Variants in RRAS2 observed in about 807,000 individuals in gnomAD.
RRAS2 encodes the protein ras-related protein R-Ras2.
RRAS2 carries 7 observed loss-of-function variants against 27.6 expected under a neutral mutation model. The ratio of observed to expected loss-of-function variants is 0.25; its 90% CI spans 0.14 to 0.48. The LOEUF (loss-of-function observed/expected upper bound fraction) is 0.48. Ranked by LOEUF, RRAS2 falls within the 20% of genes least tolerant of loss-of-function variation. RRAS2 has a pLI of 0.99. For synonymous variants in RRAS2, 86 were observed against 90.9 expected (o/e 0.95, Z 0.31); for missense variants, 178 against 256.2 (o/e 0.69, Z 2.08).
intron 4 of RRAS2, among the ~76,000 whole-genome samples, chr11:14,292,328 C>G (rs1236607528): frequency 6.6e-6 from 1 of 152,162 alleles, no homozygotes; most frequent in East Asian, 1.9e-4. Flanking sequence ...TTTACTGGAG[C>G]TACCACCATG....
intron 1 of RRAS2, among the ~76,000 whole-genome samples, chr11:14,344,428 T>G (rs1336377208): frequency 5.9e-5 from 9 of 152,176 alleles, no homozygotes; most frequent in African/African-American, 2.2e-4. Flanking sequence ...ATGGGGCAAA[T>G]TTCCCTTAGT....
In RRAS2 at chr11:14,358,223, G is replaced by A. The variant is rs1554955732; in HGVS notation, c.108+540C>T. The A allele has an allele frequency of 4.1e-6, 4 of 985,296 alleles. No individual in the cohort carries two copies. Among genetic ancestry groups the A allele is most frequent in the Non-Finnish European group, 4.8e-6 (4 of 829,906 alleles). The allele number at this position is 985,296 out of a possible 1,614,324, so 61.0% of individuals were successfully genotyped here. On this transcript the variant is annotated intron_variant, in intron 1 of 5. Coordinates refer to ENST00000256196, the MANE Select transcript of RRAS2 (RefSeq NM_012250.6). This position sits in a 1 kb window ranked among gnomAD's most constrained non-coding sequence, Gnocchi z 5.1. ...TTACCTAAGAGAGTACTTATAAAAA[G>A]AGCGTAACACACACACAAAGAAATA...
intron 4 of RRAS2, among the ~76,000 whole-genome samples, chr11:14,288,910 C>T (rs193244697): frequency 1.1e-4 from 16 of 152,158 alleles, no homozygotes; most frequent in South Asian, 2.1e-4. Context: ...ATTAATACAA[C>T]GTCTTAACTC....
At chr11:14,336,416 T>A (rs1424484643) in intron 1 of RRAS2, among the ~76,000 whole-genome samples, 1 of 151,600 alleles carries the variant, frequency 6.6e-6, no homozygotes, top group African/African-American at 2.4e-5. Flanking sequence ...AACATCGAGA[T>A]AACAAAGATG....
intron 4 of RRAS2, among the ~76,000 whole-genome samples, chr11:14,290,650 A>T (rs1477042475): frequency 6.6e-6 from 1 of 152,196 alleles, no homozygotes; most frequent in Non-Finnish European, 1.5e-5. Context: ...AGCAGGAAAT[A>T]CTATCTCAGA....
chr11:14,348,394 A>G (rs576646717), intron 1 of RRAS2, among the ~76,000 whole-genome samples: 22 of 152,160 alleles, frequency 1.4e-4, no homozygotes, highest in Non-Finnish European at 2.9e-4. Context: ...TAGTTTTAAC[A>G]TCCATTTTTA....
intron 1 of RRAS2, among the ~76,000 whole-genome samples, chr11:14,343,741 G>T (rs1332143690): frequency 2.6e-5 from 4 of 152,054 alleles, no homozygotes; most frequent in Admixed American, 2.6e-4. Context: ...GGCTGAGGTG[G>T]AAGGATCGCC....
intron 1 of RRAS2, among the ~76,000 whole-genome samples, chr11:14,314,932 CCGCCT>C (rs1554949316): frequency 6.6e-6 from 1 of 152,168 alleles, no homozygotes; most frequent in African/African-American, 2.4e-5. Flanking sequence ...AGTGATCCGC[CCGCCT>C]CAGCCTCCCA....
intron 1 of RRAS2, among the ~76,000 whole-genome samples, chr11:14,345,264 G>A (rs1412668393): frequency 6.6e-6 from 1 of 152,072 alleles, no homozygotes; most frequent in African/African-American, 2.4e-5. Flanking sequence ...GGGATTACAG[G>A]AGTGAGCCAC....
intron 4 of RRAS2, among the ~76,000 whole-genome samples, chr11:14,293,124 A>AATATATATATACAT (rs1554946032): frequency 1.3e-5 from 1 of 76,822 alleles, no homozygotes; most frequent in Non-Finnish European, 2.3e-5. Flanking sequence ...AAACAAAACA[A>AATATATATATACAT]ATATATATAT....
rs782306600 is a variant in RRAS2 at position 14,344,983 on chromosome 11, C to CTTTTT, written c.108+13779_108+13780insAAAAA. On this transcript the variant is annotated intron_variant, in intron 1 of 5. Transcript: ENST00000256196. ...TTTATTTCCTGTGCCCTACTCAAGA[C>CTTTTT]TTTATTTTTTTTTTTTTTTTTTTTG... Among the ~76,000 whole-genome samples the CTTTTT allele has an allele frequency of 2.0e-3, 159 of 78,996 alleles. 26 individuals are homozygous for CTTTTT. Among genetic ancestry groups the CTTTTT allele is most frequent in the African/African-American group, 2.7e-3 (57 of 20,780 alleles). The allele number at this position is 78,996 out of a possible 152,430, so 51.8% of individuals were successfully genotyped here. A position where few individuals can be genotyped will look rare whatever the true frequency, so the allele number is the denominator to read the frequency against.
chr11:14,358,670 C>G lies in RRAS2; in HGVS notation c.108+93G>C. On this transcript the variant is annotated intron_variant, in intron 1 of 5. Transcript: ENST00000256196. This position sits in a 1 kb window ranked among gnomAD's most constrained non-coding sequence, Gnocchi z 5.1. Reference sequence around the variant, plus strand: ...CCCGGCCCGGGCCCGCGAGGCGCCTCTGGGGCGAGGTCGCGGCGGCCGCCC... The same window carrying G: ...CCCGGCCCGGGCCCGCGAGGCGCCTGTGGGGCGAGGTCGCGGCGGCCGCCC... 8 of 1,009,854 alleles carry G rather than the reference C, an allele frequency of 7.9e-6. No individual in the cohort carries two copies. Among genetic ancestry groups the G allele is most frequent in the Non-Finnish European group, 8.3e-6 (7 of 845,458 alleles). The allele number at this position is 1,009,854 out of a possible 1,614,324, so 62.6% of individuals were successfully genotyped here. A position where few individuals can be genotyped will look rare whatever the true frequency, so the allele number is the denominator to read the frequency against.
chr11:14,355,925 C>T (rs1479253049), intron 1 of RRAS2, among the ~76,000 whole-genome samples: 1 of 152,064 alleles, frequency 6.6e-6, no homozygotes, highest in Non-Finnish European at 1.5e-5. Context: ...AATAGCTACC[C>T]TATTAAGTGT....
intron 1 of RRAS2, among the ~76,000 whole-genome samples, chr11:14,298,030 C>T (rs1184705645): frequency 6.8e-6 from 1 of 147,932 alleles, no homozygotes; most frequent in Admixed American, 6.7e-5. Context: ...CAATCATGAA[C>T]TTACTTTTTG....
intron 1 of RRAS2, among the ~76,000 whole-genome samples, chr11:14,301,249 A>T (rs1390443586): frequency 6.6e-6 from 1 of 152,206 alleles, no homozygotes; most frequent in Non-Finnish European, 1.5e-5. Flanking sequence ...TATATTTGAC[A>T]GTTTTCATAT....
chr11:14,348,246 G>A (rs1554954305), intron 1 of RRAS2, among the ~76,000 whole-genome samples: 1 of 152,128 alleles, frequency 6.6e-6, no homozygotes, highest in Non-Finnish European at 1.5e-5. Flanking sequence ...CAAAGATGTT[G>A]ACTTTCATCA....
intron 1 of RRAS2, among the ~76,000 whole-genome samples, chr11:14,333,989 T>C (rs1447940242): frequency 6.6e-6 from 1 of 152,250 alleles, no homozygotes; most frequent in East Asian, 1.9e-4. Context: ...TTTAATGACA[T>C]GGACCATATT....
At chr11:14,335,594 C>T (rs1487087522) in intron 1 of RRAS2, among the ~76,000 whole-genome samples, 1 of 152,040 alleles carries the variant, frequency 6.6e-6, no homozygotes, top group Non-Finnish European at 1.5e-5. Context: ...ACCAAAAAGC[C>T]CTTAAAATAA....
rs1307533297 is a variant in RRAS2 at position 14,279,111 on chromosome 11, T to C, written c.*226A>G. 1 of 484,858 alleles carries C rather than the reference T, an allele frequency of 2.1e-6. No individual in the cohort carries two copies. The highest frequency in any genetic ancestry group is 3.7e-6 in the Non-Finnish European group (1 of 270,656). The allele number at this position is 484,858 out of a possible 1,614,324, so 30.0% of individuals were successfully genotyped here. A position where few individuals can be genotyped will look rare whatever the true frequency, so the allele number is the denominator to read the frequency against. On this transcript the variant is annotated 3_prime_UTR_variant, in exon 6 of 6. Coordinates refer to ENST00000256196, the MANE Select transcript of RRAS2 (RefSeq NM_012250.6). ...TGTCTGTGTATATAGACATATATTT[T>C]AAAGGAATCAGATAATCTTTGAAGC...
Sources: gnomAD v4.1 joint callset for allele counts (sites outside exome capture counted in the v4.1 genomes callset) on GRCh38, gnomAD v4.1.1 for gene constraint, Gnocchi (gnomAD v3.1) non-coding constraint, MANE v1.5 for transcripts, NCBI Gene and HGNC (gene_info 2026-07-23, HGNC 2026-07-21) for gene names.